TENM3: variants seen among roughly 807,000 people sequenced by gnomAD.
The protein encoded by TENM3 is teneurin transmembrane protein 3.
TENM3 carries 63 observed loss-of-function variants against 255.1 expected under a neutral mutation model. That is an observed-to-expected ratio of 0.25 (90% CI 0.20 to 0.30). The LOEUF is 0.30. Among genes scored for constraint, TENM3 ranks in the 10% least tolerant of loss-of-function variants. TENM3 has a pLI of 1.00. For missense variants in TENM3, 2,929 were observed against 3,461.1 expected (o/e 0.85, Z 3.86); for synonymous variants, 1,306 against 1,322.3 (o/e 0.99, Z 0.27).
chr4:182,145,352 G>A (rs1749882963), intron 1 of TENM3: 1 of 152,258 alleles, frequency 6.6e-6, no homozygotes, highest in Admixed American at 6.5e-5. Flanking sequence ...GGAAACTCTG[G>A]ATGGGGTTGG....
intron 12 of TENM3, chr4:182,698,236 A>G (rs145306771): frequency 8.5e-5 from 13 of 152,328 alleles, no homozygotes; most frequent in Admixed American, 8.5e-4. Flanking sequence ...TTAGCCTTAA[A>G]TACTACCTGC....
the TENM3 span, among the ~76,000 whole-genome samples, chr4:182,051,172 C>T: frequency 0.021 from 3,205 of 151,764 alleles, 131 homozygotes; most frequent in African/African-American, 0.073. Context: ...GGTGAAAACC[C>T]ATCTCTACTA....
chr4:181,735,773 T>C, the TENM3 span, among the ~76,000 whole-genome samples: 2 of 152,288 alleles, frequency 1.3e-5, no homozygotes, highest in Non-Finnish European at 2.9e-5. Flanking sequence ...TTAGTGCTAC[T>C]AGATCGAATT....
At chr4:181,994,093 C>G in the TENM3 span, among the ~76,000 whole-genome samples, 1 of 152,084 alleles carries the variant, frequency 6.6e-6, no homozygotes, top group Non-Finnish European at 1.5e-5. Flanking sequence ...ATTTGTGAAA[C>G]TGTGAAAAAC....
At chr4:182,110,135 T>C in the TENM3 span, among the ~76,000 whole-genome samples, 7 of 146,624 alleles carry the variant, frequency 4.8e-5, no homozygotes, top group Admixed American at 1.4e-4. Flanking sequence ...AAAAAATACA[T>C]GAAATTCACA....
intron 22 of TENM3, among the ~76,000 whole-genome samples, chr4:182,758,048 A>C (rs1231154806): frequency 6.6e-6 from 1 of 152,218 alleles, no homozygotes; most frequent in East Asian, 1.9e-4. Flanking sequence ...TTCTAATAAA[A>C]TTAGCAGAAA....
chr4:182,332,629 G>T (rs1580188471), intron 2 of TENM3, among the ~76,000 whole-genome samples: 1 of 151,850 alleles, frequency 6.6e-6, no homozygotes, highest in South Asian at 2.1e-4. Flanking sequence ...GGGAGGTGGA[G>T]GTTGCAGTGA....
At chr4:181,731,624 A>G in the TENM3 span, among the ~76,000 whole-genome samples, 18 of 152,172 alleles carry the variant, frequency 1.2e-4, no homozygotes, top group African/African-American at 4.1e-4. Context: ...ATCAACAAGT[A>G]TTTATTAAAT....
intron 5 of TENM3, among the ~76,000 whole-genome samples, chr4:182,644,612 GA>G (rs980294344): frequency 7.9e-5 from 12 of 151,710 alleles, no homozygotes; most frequent in Admixed American, 2.6e-4. Context: ...CTTTGTGTGT[GA>G]AAAAAAATTC....
At chr4:181,746,081 G>A in the TENM3 span, among the ~76,000 whole-genome samples, 1 of 152,128 alleles carries the variant, frequency 6.6e-6, no homozygotes. Flanking sequence ...GAGAGGCAGA[G>A]GAATGGTGTT....
chr4:182,418,973 A>C (rs989219319), intron 3 of TENM3, among the ~76,000 whole-genome samples: 1 of 152,206 alleles, frequency 6.6e-6, no homozygotes, highest in African/African-American at 2.4e-5. Context: ...TTATGAGTGG[A>C]TACGACAGGA....
intron 3 of TENM3, among the ~76,000 whole-genome samples, chr4:182,350,624 G>A (rs1162225564): frequency 1.3e-5 from 2 of 152,140 alleles, no homozygotes; most frequent in Non-Finnish European, 2.9e-5. Context: ...GTAAAAGGTA[G>A]AATTCTCAGT....
intron 3 of TENM3, among the ~76,000 whole-genome samples, chr4:182,580,196 T>A (rs1745347497): frequency 6.6e-6 from 1 of 152,194 alleles, no homozygotes; most frequent in African/African-American, 2.4e-5. Context: ...TTGAGAGCTG[T>A]CATTTCTCTT....
chr4:182,793,053 A>C lies in TENM3; in HGVS notation c.6381A>C (p.Lys2127Asn). ...TAGGGCCCTTTGCCAACACCACCAA[A>C]TATGCTTATGAATATGATGTTGATG... ...IKIGPFANTTKYAYEYDVDGQ... is the reference protein window; with the variant it reads ...IKIGPFANTTNYAYEYDVDGQ... Residue 2127 changes from lysine (K) to asparagine (N), a missense_variant, in exon 26 of 28, where the codon AAA (lysine) becomes AAC (asparagine). This residue lies in a region of TENM3 where 256 missense variants were observed against 389.3 expected (regional missense o/e 0.66). Coordinates refer to ENST00000511685, the MANE Select transcript of TENM3 (RefSeq NM_001080477.4). The surrounding 1 kb of genome is among the most constrained non-coding windows in gnomAD (Gnocchi z 5.7). 3 of 1,613,930 alleles carry C rather than the reference A, an allele frequency of 1.9e-6. No homozygotes were observed. The highest frequency in any genetic ancestry group is 2.5e-6 in the Non-Finnish European group (3 of 1,179,884).
chr4:182,335,099 G>A (rs1764015886), intron 2 of TENM3, among the ~76,000 whole-genome samples: 1 of 151,924 alleles, frequency 6.6e-6, no homozygotes, highest in South Asian at 2.1e-4. Context: ...GAACGCACAG[G>A]TAGGAAGGCC....
chr4:182,751,789 C>G lies in TENM3; in HGVS notation c.3630-11C>G. ...ACTCCCTTTGATGTTTATCTATGAT[C>G]CTTTTCACAGCAGCAACCCAGCTCA... is the stretch of plus-strand genomic sequence containing the variant. On this transcript the variant is annotated splice_polypyrimidine_tract_variant and intron_variant, in intron 19 of 27. Coordinates refer to ENST00000511685, the MANE Select transcript of TENM3 (RefSeq NM_001080477.4). 1 of 1,602,914 alleles carries G rather than the reference C, an allele frequency of 6.2e-7. No individual in the cohort carries two copies. The highest frequency in any genetic ancestry group is 2.2e-5 in the East Asian group (1 of 44,810).
chr4:181,708,843 G>A, the TENM3 span, among the ~76,000 whole-genome samples: 10 of 152,174 alleles, frequency 6.6e-5, no homozygotes, highest in Non-Finnish European at 1.2e-4. Context: ...CTGATGCCAC[G>A]TTTGCAGTCA....
chr4:181,574,436 C>A, the TENM3 span, among the ~76,000 whole-genome samples: 35 of 151,404 alleles, frequency 2.3e-4, no homozygotes, highest in Non-Finnish European at 4.1e-4. Flanking sequence ...GAGGCTGAGG[C>A]AGGAGAATGG....
At chr4:182,100,841 TC>T in the TENM3 span, among the ~76,000 whole-genome samples, 7,814 of 15,846 alleles carry the variant, frequency 0.49, 2,826 homozygotes, top group Admixed American at 0.62. Context: ...ATATATATAC[TC>T]ATATATATAT....
Sources: allele counts gnomAD v4.1 joint callset (sites outside exome capture counted in the v4.1 genomes callset), GRCh38; gene constraint gnomAD v4.1.1; regional missense constraint gnomAD v4.1.1; non-coding constraint Gnocchi (gnomAD v3.1); transcripts MANE v1.5; gene names NCBI Gene and HGNC (gene_info 2026-07-23, HGNC 2026-07-21).